TTN: variants seen among roughly 807,000 people sequenced by gnomAD.
The protein encoded by TTN is titin.
TTN carries 1,525 observed loss-of-function variants against 3,223.0 expected under a neutral mutation model. The ratio of observed to expected loss-of-function variants is 0.47; its 90% CI spans 0.45 to 0.49. TTN has a LOEUF of 0.49. Ranked by LOEUF, TTN falls within the 20% of genes least tolerant of loss-of-function variation. TTN has a pLI of 0.00. For synonymous variants in TTN, 14,094 were observed against 15,161.0 expected, an observed-to-expected ratio of 0.93 and a Z score of 5.17; for missense variants, 40,786 against 43,424.0, an observed-to-expected ratio of 0.94 and a Z score of 5.40.
chr2:178,730,645 T>C lies in TTN; in HGVS notation c.17888A>G (p.Glu5963Gly), dbSNP rs146983095. 9.7e-3 allele frequency: 15,669 copies of C among 1,613,676 alleles called. 94 individuals carry two copies. The highest frequency in any genetic ancestry group is 0.012 in the Non-Finnish European group (14,388 of 1,179,694). The change falls in exon 61 of 363, where the codon GAA becomes GGA. Residue 5963 changes from glutamate (E) to glycine (G), a missense_variant. Physicochemically the swap from Glu to Gly is moderately conservative, Grantham distance 98. Transcript: ENST00000589042. ...GTCATGAAAAGAGAATTTGTACTTT[T>C]CACTAGCTGATATTTCTTGGTCATC... ...FKDDQEISAS[E>G]KYKFSFHDNT... is the part of the protein sequence containing the mutation.
At position 178,572,008 on chromosome 2, in the gene TTN, G is replaced by T. The variant is rs758928659; in HGVS notation, c.74124C>A (p.Ile24708=). 11 of 1,613,014 alleles carry T rather than the reference G, an allele frequency of 6.8e-6. No homozygotes were observed. Among genetic ancestry groups the T allele is most frequent in the Admixed American group, 3.3e-5 (2 of 59,942 alleles). ...SDPRQLSVPV[I]AKDLVIPPAF... is the part of the protein sequence containing the mutation. ...CTGGTGGAATGACAAGATCTTTGGC[G>T]ATCACTGGCACACTCAGTTGTCTAG... Residue 24708 remains isoleucine, a synonymous_variant, in exon 326 of 363, where the codon ATC becomes ATA. Coordinates refer to ENST00000589042, the MANE Select transcript of TTN (RefSeq NM_001267550.2).
intron 47 of TTN, chr2:178,746,755 T>C (rs768533884): frequency 1.2e-6 from 2 of 1,613,410 alleles, no homozygotes; most frequent in Admixed American, 1.7e-5. Context: ...TTCGATACCA[T>C]TTCACACCAG....
At chr2:178,784,404 T>C (rs1353843738) in intron 15 of TTN, 53 bp from the exon 16 acceptor site, 5 of 1,604,366 alleles carry the variant, frequency 3.1e-6, no homozygotes, top group Non-Finnish European at 4.2e-6. Flanking sequence ...CTCCGATGGC[T>C]AGCCCTCTTG....
At position 178,579,746 on chromosome 2, in the gene TTN, A is replaced by G. The variant is rs903308296; in HGVS notation, c.67451T>C (p.Ile22484Thr). The G allele has an allele frequency of 2.2e-5, 35 of 1,613,168 alleles. No individual in the cohort carries two copies. Among genetic ancestry groups the G allele is most frequent in the Non-Finnish European group, 3.0e-5 (35 of 1,179,496 alleles). Residue 22484 changes from isoleucine to threonine, a missense_variant, in exon 319 of 363, where the codon ATT becomes ACT. Ile to Thr is a moderately conservative substitution (Grantham distance 89). Coordinates refer to ENST00000589042, the MANE Select transcript of TTN (RefSeq NM_001267550.2). ...KPHSDGGSRI[I>T]GYVVDFLTEE... ...AGTCAGGAAATCAACTACATATCCA[A>G]TAATCCGACTTCCACCATCACTGTG...
chr2:178,540,624 C>T (rs529579923), intron 350 of TTN, among the ~76,000 whole-genome samples: 27 of 152,154 alleles, frequency 1.8e-4, no homozygotes, highest in African/African-American at 6.0e-4. Context: ...GGTGAAACCG[C>T]GTCTCTACTA....
At position 178,722,239 on chromosome 2, in the gene TTN, A is replaced by G. The variant is rs1280919615; in HGVS notation, c.22528+20T>C. The G allele has an allele frequency of 3.2e-6, 5 of 1,541,020 alleles. No individual in the cohort carries two copies. The highest frequency in any genetic ancestry group is 1.8e-4 in the Middle Eastern group (1 of 5,698). On this transcript the variant is annotated intron_variant, in intron 77 of 362. Transcript: ENST00000589042. Reference sequence around the variant, plus strand: ...ATGAAGCCACAGTTTGCAAAGAAAAAGAGTGACGTGTGAACAAACCTCTTG... The same window carrying G: ...ATGAAGCCACAGTTTGCAAAGAAAAGGAGTGACGTGTGAACAAACCTCTTG...
Position 178,589,268 on chromosome 2 carries a change from C to T in TTN, c.62457G>A (p.Lys20819=). The change falls in exon 304 of 363, where the codon AAG becomes AAA. Residue 20819 remains lysine (K), a synonymous_variant. Transcript: ENST00000589042. The part of the protein sequence containing the change: ...ATDLTRSPRV[K]IDTRADSSKF... ...TAGATGAATCAGCACGGGTATCAAT[C>T]TTGACCCTTGGTGATCTTGTTAAGT... 6.2e-7 allele frequency: 1 copy of T among 1,613,430 alleles called. No individual in the cohort carries two copies. Among genetic ancestry groups the T allele is most frequent in the Non-Finnish European group, 8.5e-7 (1 of 1,179,604 alleles).
Position 178,704,920 on chromosome 2 carries a change from T to G in TTN, c.29651A>C (p.Glu9884Ala). Residue 9884 changes from glutamate (E) to alanine (A), a missense_variant, in exon 104 of 363, where the codon GAG becomes GCG. Transcript: ENST00000589042. ...ERSERDEKEF[E>A]ELVSFIQQRL... Reference sequence around the variant, plus strand: ...TTGCTGAATAAATGATACAAGTTCCTCAAATTCCTTTTCGTCCCTCTCTGA... The same window carrying G: ...TTGCTGAATAAATGATACAAGTTCCGCAAATTCCTTTTCGTCCCTCTCTGA... 1.2e-6 allele frequency: 2 copies of G among 1,613,406 alleles called. No homozygotes were observed. The highest frequency in any genetic ancestry group is 1.7e-6 in the Non-Finnish European group (2 of 1,179,792).
rs141505094 is a variant in TTN, at chr2:178,786,646, A to T, written c.2077-505T>A. On this transcript the variant is annotated intron_variant, in intron 13 of 362. Transcript: ENST00000589042. ...AGTTATATGGTTGCATGCAAATCGG[A>T]CATAACATGAAAGCTCACAAACACA... Among the ~76,000 whole-genome samples, 312 of 152,334 alleles carry T rather than the reference A, an allele frequency of 2.0e-3. 7 individuals carry two copies. The South Asian group carries it at 0.025, about 12-fold the overall frequency.
chr2:178,573,107 A>G lies in TTN; in HGVS notation c.73025T>C (p.Ile24342Thr). Residue 24342 changes from isoleucine to threonine, a missense_variant, in exon 326 of 363, where the codon ATC becomes ACC. Ile to Thr is a moderately conservative substitution (Grantham distance 89, BLOSUM62 -1). Transcript: ENST00000589042. ...VLDTSRSSIS[I>T]AWNKPIYDGG... The stretch of plus-strand genomic sequence containing the variant: ...ATCATAGATAGGTTTATTCCAAGCG[A>G]TTGAAATGGATGATCTGCTTGTATC... The G allele has an allele frequency of 1.2e-6, 2 of 1,613,278 alleles. No homozygotes were observed. The highest frequency in any genetic ancestry group is 2.2e-5 in the South Asian group (2 of 91,058).
Position 178,547,479 on chromosome 2 carries a change from C to T in TTN, c.94147G>A (p.Val31383Ile), listed in dbSNP as rs1336482759. 1 of 1,612,540 alleles carries T rather than the reference C, an allele frequency of 6.2e-7. No individual in the cohort carries two copies. Among genetic ancestry groups the T allele is most frequent in the Non-Finnish European group, 8.5e-7 (1 of 1,179,242 alleles). Residue 31383 changes from valine (V) to isoleucine (I), a missense_variant, in exon 339 of 363, where the codon GTC (valine) becomes ATC (isoleucine). By Grantham distance (29) the Val-to-Ile change is conservative (BLOSUM62 3). Coordinates refer to ENST00000589042, the MANE Select transcript of TTN (RefSeq NM_001267550.2). Reference protein sequence around the residue: ...LTKYMEYSFRVSSENRFGVSK... With the variant: ...LTKYMEYSFRISSENRFGVSK... ...ACACCAAATCTGTTCTCTGAACTGA[C>T]ACGGAAAGAATATTCCATGTATTTT... is the stretch of plus-strand genomic sequence containing the variant.
Position 178,567,915 on chromosome 2 carries a change from C to A in TTN, c.78217G>T (p.Val26073Leu). ...FRVYAENIVGVGKASKNSECY... is the reference protein window; with the variant it reads ...FRVYAENIVGLGKASKNSECY... ...TCAGAATTCTTGCTTGCTTTGCCTA[C>A]ACCAACAATATTTTCAGCATACACT... Residue 26073 changes from valine (V) to leucine (L), a missense_variant, in exon 326 of 363, where the codon GTA becomes TTA. Transcript: ENST00000589042. 6.2e-7 allele frequency: 1 copy of A among 1,613,602 alleles called. No individual in the cohort carries two copies. Among genetic ancestry groups the A allele is most frequent in the Non-Finnish European group, 8.5e-7 (1 of 1,179,612 alleles).
chr2:178,627,976 G>A (rs1183461623), intron 240 of TTN, among the ~76,000 whole-genome samples: 1 of 152,018 alleles, frequency 6.6e-6, no homozygotes, highest in Admixed American at 6.6e-5. Context: ...AGGTAGAGGT[G>A]CCTCCCTCAG....
chr2:178,620,333 G>A lies in TTN; in HGVS notation c.46188C>T (p.His15396=). 4 of 1,597,586 alleles carry A rather than the reference G, an allele frequency of 2.5e-6. No homozygotes were observed. Among genetic ancestry groups the A allele is most frequent in the Non-Finnish European group, 2.6e-6 (3 of 1,170,710 alleles). ...ACTCAGTGACTGTCTGATCTTCCAA[G>A]TGTTCCACAAATTCTGTCGGGGCTT... ...IIEAPTEFVE[H]LEDQTVTEFD... is the part of the protein sequence containing the mutation. Residue 15396 remains histidine, a synonymous_variant, in exon 248 of 363, where the codon CAC becomes CAT. Transcript: ENST00000589042.
rs1282711943 is a variant in TTN, at chr2:178,729,499, C to T, written c.18657G>A (p.Glu6219=). The T allele has an allele frequency of 1.2e-5, 20 of 1,613,512 alleles. No individual in the cohort carries two copies. Among genetic ancestry groups the T allele is most frequent in the Non-Finnish European group, 1.6e-5 (19 of 1,179,658 alleles). ...EVVKYSDVEL[E]CEVTGTPPFE... is the part of the protein sequence containing the mutation. ...ACGGAGGTGTTCCCGTAACTTCACACTCCAGCTCCACGTCACTATATTTTA... is the reference window on the plus strand; with the variant it reads ...ACGGAGGTGTTCCCGTAACTTCACATTCCAGCTCCACGTCACTATATTTTA... The change falls in exon 64 of 363, where the codon GAG becomes GAA. Residue 6219 remains glutamate (E), a synonymous_variant. Coordinates refer to ENST00000589042, the MANE Select transcript of TTN (RefSeq NM_001267550.2).
chr2:178,644,666 C>G (rs1461146650), intron 217 of TTN, 50 bp from the exon 218 acceptor site: 1 of 1,377,122 alleles, frequency 7.3e-7, no homozygotes, highest in Admixed American at 2.9e-5. Flanking sequence ...TAATCTGAAG[C>G]AAGTGATTAA....
In TTN at chr2:178,764,513, C is replaced by A; in HGVS notation, c.9988+14G>T. On this transcript the variant is annotated intron_variant, in intron 42 of 362. Transcript: ENST00000589042. ...AGGTTTTATTTTCAGCTGGAAGTAG[C>A]GAGGCATTCCTACCTTCCACTGAGA... 1 of 1,613,834 alleles carries A rather than the reference C, an allele frequency of 6.2e-7. No individual in the cohort carries two copies. Among genetic ancestry groups the A allele is most frequent in the Non-Finnish European group, 8.5e-7 (1 of 1,179,902 alleles).
chr2:178,633,065 A>T (rs1295112686), intron 233 of TTN, 21 bp from the exon 234 acceptor site: 2 of 1,607,400 alleles, frequency 1.2e-6, no homozygotes, highest in Non-Finnish European at 1.7e-6. Flanking sequence ...TGAGGGTTAG[A>T]AGGAAAGAAA....
In TTN at chr2:178,644,815, GTTAA is replaced by G. The variant is rs368447062; in HGVS notation, c.40409-203_40409-200del. On this transcript the variant is annotated intron_variant, in intron 217 of 362. Transcript: ENST00000589042. ...TGCAGTTTTACTCCAAAGTTCAGTA[GTTAA>G]TTAAAGACCAGCAGAAAAAGAAGAC... 964 of 459,776 alleles carry G rather than the reference GTTAA, an allele frequency of 2.1e-3. 10 individuals are homozygous for G. Among genetic ancestry groups the G allele is most frequent in the African/African-American group, 0.017 (817 of 48,398 alleles). 28.5% of individuals were successfully genotyped at this position (459,776 alleles called of 1,614,324 possible).
Sources: allele counts gnomAD v4.1 joint callset (sites outside exome capture counted in the v4.1 genomes callset), GRCh38; gene constraint gnomAD v4.1.1; transcripts MANE v1.5; gene names NCBI Gene and HGNC (gene_info 2026-07-23, HGNC 2026-07-21).